Variants in IL34 observed in about 807,000 individuals in gnomAD.
IL34 encodes the protein interleukin-34.
Under a neutral mutation model 25.3 loss-of-function variants are expected in IL34, and 17 were observed. That is an observed-to-expected ratio of 0.67 (90% CI 0.46 to 1.01). The LOEUF (loss-of-function observed/expected upper bound fraction) is 1.01, where lower values mean the gene tolerates loss of function less well. IL34 is among the 50% of genes least tolerant of loss of function. The pLI, the probability that IL34 is intolerant of heterozygous loss-of-function variation, is 0.00. For missense variants in IL34, 368 were observed against 312.9 expected (o/e 1.18, Z -1.33); for synonymous variants, 174 against 140.9 (o/e 1.23, Z -1.66).
At chr16:70,583,797 G>A (rs1368515534) in intron 1 of IL34, among the ~76,000 whole-genome samples, 1 of 151,778 alleles carries the variant, frequency 6.6e-6, no homozygotes, top group Non-Finnish European at 1.5e-5. Flanking sequence ...AATTACAGGT[G>A]TGCGCCACCA....
intron 1 of IL34, among the ~76,000 whole-genome samples, chr16:70,618,041 G>A (rs2051201382): frequency 6.6e-6 from 1 of 152,202 alleles, no homozygotes; most frequent in Non-Finnish European, 1.5e-5. Flanking sequence ...TGTAGAGAAG[G>A]GAGGGGGCCT....
intron 1 of IL34, among the ~76,000 whole-genome samples, chr16:70,634,387 G>A (rs2051591588): frequency 6.6e-6 from 1 of 152,048 alleles, no homozygotes; most frequent in South Asian, 2.1e-4. Flanking sequence ...AGAAGAGATA[G>A]AACATTTCCA....
rs376527767 is a variant in IL34, at chr16:70,638,627, C to T, written c.-400-7921C>T. Reference sequence around the variant, plus strand: ...ATTTATTATTTTTTTGAGACAAGGCCTTTCTCTGTCACCCGGGCTGGTCTT... The same window carrying T: ...ATTTATTATTTTTTTGAGACAAGGCTTTTCTCTGTCACCCGGGCTGGTCTT... On this transcript the variant is annotated intron_variant, in intron 1 of 6. Transcript: ENST00000429149. 3.7e-3 allele frequency among the ~76,000 whole-genome samples: 560 copies of T among 152,112 alleles called. 5 individuals carry two copies. The highest frequency in any genetic ancestry group is 0.024 in the Middle Eastern group (7 of 294).
chr16:70,659,904 A>G, intron 5 of IL34, 93 bp from the exon 6 acceptor site: 2 of 1,468,918 alleles, frequency 1.4e-6, no homozygotes, highest in African/African-American at 2.8e-5. Flanking sequence ...GGCCCTGGGT[A>G]GAGTGGGGGA....
At chr16:70,627,726 C>A (rs1007954031) in intron 1 of IL34, among the ~76,000 whole-genome samples, 1 of 152,122 alleles carries the variant, frequency 6.6e-6, no homozygotes, top group African/African-American at 2.4e-5. Flanking sequence ...TACTTCAGAT[C>A]CCAAAGTGGT....
At chr16:70,629,404 C>G (rs191416254) in intron 1 of IL34, among the ~76,000 whole-genome samples, 1 of 152,162 alleles carries the variant, frequency 6.6e-6, no homozygotes, top group South Asian at 2.1e-4. Flanking sequence ...TTACAGATCT[C>G]CAGAACCTAC....
chr16:70,650,093 C>G (rs2052041561), intron 1 of IL34, among the ~76,000 whole-genome samples: 1 of 152,170 alleles, frequency 6.6e-6, no homozygotes, highest in African/African-American at 2.4e-5. Context: ...GCCTCCGTGC[C>G]CAGCCTGTGT....
At chr16:70,634,048 A>T (rs1420249620) in intron 1 of IL34, among the ~76,000 whole-genome samples, 1 of 151,204 alleles carries the variant, frequency 6.6e-6, no homozygotes, top group African/African-American at 2.4e-5. Context: ...ACGGGGTTTC[A>T]CCATGTTGGC....
At chr16:70,587,994 G>A (rs1242955263) in intron 1 of IL34, among the ~76,000 whole-genome samples, 5 of 151,758 alleles carry the variant, frequency 3.3e-5, no homozygotes, top group African/African-American at 1.2e-4. Flanking sequence ...AGCAGAGGTC[G>A]CGCCACTGCA....
intron 1 of IL34, among the ~76,000 whole-genome samples, chr16:70,602,069 G>C (rs1029331668): frequency 1.6e-4 from 24 of 152,234 alleles, no homozygotes; most frequent in Non-Finnish European, 7.3e-5. Flanking sequence ...GCTCAAGGTA[G>C]GGCATGCAGC....
At chr16:70,638,313 C>T (rs1427637149) in intron 1 of IL34, among the ~76,000 whole-genome samples, 1 of 151,922 alleles carries the variant, frequency 6.6e-6, no homozygotes, top group Non-Finnish European at 1.5e-5. Context: ...CTTGTCTCTA[C>T]AAAAGAACTG....
In IL34 at chr16:70,660,162, C is replaced by T; in HGVS notation, c.704C>T (p.Ala235Val). ...ACGGGCTCGGTGAGGCCGGTCAGGG[C>T]ACAGGGCGAGGGCCTCTTGCCCTGA... is the stretch of plus-strand genomic sequence containing the variant. ...HSTGSVRPVR[A>V]QGEGLLP The change falls in exon 6 of 6, where the codon GCA becomes GTA. Residue 235 changes from alanine to valine, a missense_variant. Physicochemically the swap from Ala to Val is moderately conservative, Grantham distance 64. Transcript: ENST00000288098. 6.2e-7 allele frequency: 1 copy of T among 1,601,636 alleles called. No individual in the cohort carries two copies. The highest frequency in any genetic ancestry group is 1.1e-5 in the South Asian group (1 of 89,032).
At chr16:70,653,185 C>A (rs1026426067) in intron 1 of IL34, among the ~76,000 whole-genome samples, 1 of 151,602 alleles carries the variant, frequency 6.6e-6, no homozygotes, top group African/African-American at 2.4e-5. Context: ...TGTACTCTAG[C>A]CTGGGTGACA....
At chr16:70,585,434 T>G (rs1389114155) in intron 1 of IL34, among the ~76,000 whole-genome samples, 2 of 151,696 alleles carry the variant, frequency 1.3e-5, no homozygotes, top group Non-Finnish European at 2.9e-5. Flanking sequence ...GGCTCACGCC[T>G]GTAATCCCAG....
At chr16:70,615,475 C>T (rs1040766234) in intron 1 of IL34, among the ~76,000 whole-genome samples, 1 of 151,906 alleles carries the variant, frequency 6.6e-6, no homozygotes, top group Non-Finnish European at 1.5e-5. Flanking sequence ...CCACTGCACT[C>T]CAGCCTGGCA....
intron 1 of IL34, among the ~76,000 whole-genome samples, chr16:70,634,279 A>G (rs953153650): frequency 6.6e-5 from 10 of 150,516 alleles, no homozygotes; most frequent in Non-Finnish European, 1.5e-5. Context: ...CTGAGATTCC[A>G]GGTAAGATAT....
chr16:70,615,631 T>C (rs940503233), intron 1 of IL34, among the ~76,000 whole-genome samples: 1 of 152,174 alleles, frequency 6.6e-6, no homozygotes, highest in South Asian at 2.1e-4. Context: ...AATGCAAGCA[T>C]ATACAAATAT....
intron 1 of IL34, among the ~76,000 whole-genome samples, chr16:70,634,843 G>A (rs932864595): frequency 4.6e-5 from 7 of 152,100 alleles, no homozygotes; most frequent in African/African-American, 9.7e-5. Flanking sequence ...TAGTGTGCAC[G>A]CTTTTGTGTC....
intron 1 of IL34, among the ~76,000 whole-genome samples, chr16:70,615,016 C>T (rs988061628): frequency 3.3e-5 from 5 of 152,166 alleles, no homozygotes; most frequent in African/African-American, 7.2e-5. Flanking sequence ...CCGGCCTCAC[C>T]GGGTAACTGT....
Sources: gnomAD v4.1 joint callset for allele counts (sites outside exome capture counted in the v4.1 genomes callset) on GRCh38, gnomAD v4.1.1 for gene constraint, MANE v1.5 for transcripts, NCBI Gene and HGNC (gene_info 2026-07-23, HGNC 2026-07-21) for gene names.